The following FYN variants were observed in gnomAD, a reference collection of about 807,000 sequenced individuals.
FYN encodes FYN proto-oncogene, Src family tyrosine kinase, also known as tyrosine-protein kinase Fyn.
FYN carries 10 observed loss-of-function variants against 70.2 expected under a neutral mutation model. The ratio of observed to expected loss-of-function variants is 0.14; its 90% confidence interval spans 0.09 to 0.24. FYN has a LOEUF of 0.24. FYN is among the 10% of genes least tolerant of loss of function. FYN has a pLI of 1.00. For synonymous variants in FYN, 236 were observed against 248.6 expected, an observed-to-expected ratio of 0.95 and a Z score of 0.48; for missense variants, 319 against 673.1, an observed-to-expected ratio of 0.47 and a Z score of 5.82.
intron 3 of FYN, among the ~76,000 whole-genome samples, chr6:111,778,069 C>T (rs1447532381): frequency 6.6e-6 from 1 of 152,180 alleles, no homozygotes; most frequent in East Asian, 1.9e-4. Flanking sequence ...AGAAGCAATG[C>T]ACCCTCTGTG....
intron 3 of FYN, among the ~76,000 whole-genome samples, chr6:111,739,301 G>A (rs1487143082): frequency 4.6e-5 from 7 of 152,228 alleles, no homozygotes; most frequent in Admixed American, 2.0e-4. Flanking sequence ...CACATGCACG[G>A]GAGATGTGGA....
intron 13 of FYN, among the ~76,000 whole-genome samples, chr6:111,667,667 C>T (rs115240312): frequency 0.01 from 1,540 of 152,336 alleles, 31 homozygotes; most frequent in African/African-American, 0.036. Flanking sequence ...GACTTGACTT[C>T]CCTTGAACTT....
At chr6:111,753,836 A>G (rs76407370) in intron 3 of FYN, among the ~76,000 whole-genome samples, 3,065 of 152,334 alleles carry the variant, frequency 0.02, 107 homozygotes, top group African/African-American at 0.071. Flanking sequence ...TTAAGTTGGG[A>G]TTCCAGAAAC....
rs964314396 is a variant in FYN, at chr6:111,800,332, T to A, written c.-81-19697A>T. Among the ~76,000 whole-genome samples, 3 of 152,020 alleles carry A rather than the reference T, an allele frequency of 2.0e-5. No individual in the cohort carries two copies. In the South Asian group the frequency reaches 6.2e-4, roughly 32 times the overall value. On this transcript the variant is annotated intron_variant, in intron 2 of 13. Coordinates refer to ENST00000354650, the MANE Select transcript of FYN (RefSeq NM_002037.5). ...AGAAGAGCTGAAAATGAGGCACAGG[T>A]CTCAGCACAGGGTAGGAAGGATCCG...
chr6:111,743,113 C>T (rs181147459), intron 3 of FYN, among the ~76,000 whole-genome samples: 286 of 152,084 alleles, frequency 1.9e-3, no homozygotes, highest in African/African-American at 6.7e-3. Context: ...ACTGCAGGTG[C>T]GCGCCACCAT....
intron 2 of FYN, among the ~76,000 whole-genome samples, chr6:111,805,691 C>T (rs897269807): frequency 3.3e-5 from 5 of 152,204 alleles, no homozygotes; most frequent in African/African-American, 7.2e-5. Flanking sequence ...GCACAGCCCC[C>T]TCCCCCTTCC....
intron 13 of FYN, among the ~76,000 whole-genome samples, chr6:111,666,213 A>C (rs1798000798): frequency 6.6e-6 from 1 of 152,086 alleles, no homozygotes; most frequent in African/African-American, 2.4e-5. Flanking sequence ...CATTTTAGGG[A>C]AACAATGTCA....
intron 2 of FYN, among the ~76,000 whole-genome samples, chr6:111,841,362 TG>T (rs1298782513): frequency 5.9e-5 from 9 of 152,208 alleles, no homozygotes; most frequent in African/African-American, 2.2e-4. Flanking sequence ...AAATGAAAGA[TG>T]TGTAAAAAAA....
intron 2 of FYN, among the ~76,000 whole-genome samples, chr6:111,815,472 C>T (rs79796966): frequency 0.046 from 6,983 of 152,122 alleles, 182 homozygotes; most frequent in East Asian, 0.14. Context: ...CAAACAAAAT[C>T]CCCCATTAAA....
chr6:111,784,085 A>T (rs1439520251), intron 2 of FYN, among the ~76,000 whole-genome samples: 2 of 152,060 alleles, frequency 1.3e-5, no homozygotes, highest in East Asian at 3.8e-4. Flanking sequence ...CCTTTGGGAG[A>T]AGCTCCCTCC....
chr6:111,773,467 A>G (rs1286023579), intron 3 of FYN, among the ~76,000 whole-genome samples: 8 of 68,414 alleles, frequency 1.2e-4, no homozygotes, highest in African/African-American at 4.2e-4. Context: ...GAGAGTGGGA[A>G]AGGGAAAACG....
chr6:111,763,687 T>G (rs1488877655), intron 3 of FYN, among the ~76,000 whole-genome samples: 7 of 152,266 alleles, frequency 4.6e-5, no homozygotes, highest in Non-Finnish European at 1.0e-4. Context: ...GCTATGCATC[T>G]ATTCATGCTA....
intron 2 of FYN, among the ~76,000 whole-genome samples, chr6:111,804,252 C>T (rs889349466): frequency 6.6e-6 from 1 of 152,230 alleles, no homozygotes; most frequent in African/African-American, 2.4e-5. Flanking sequence ...AGAACACCCA[C>T]ATCCCCTGTG....
At chr6:111,709,847 T>C (rs1039612627) in intron 5 of FYN, among the ~76,000 whole-genome samples, 16 of 152,190 alleles carry the variant, frequency 1.1e-4, no homozygotes, top group African/African-American at 3.9e-4. Context: ...CCCCTCTCTT[T>C]GAGGTTCAAA....
At chr6:111,691,504 T>A (rs150904875) in intron 12 of FYN, among the ~76,000 whole-genome samples, 2 of 152,278 alleles carry the variant, frequency 1.3e-5, no homozygotes, top group East Asian at 3.9e-4. Flanking sequence ...GGACCAGCTG[T>A]CTGGAGGAGC....
chr6:111,789,744 G>C (rs1318614001), intron 2 of FYN, among the ~76,000 whole-genome samples: 1 of 152,160 alleles, frequency 6.6e-6, no homozygotes, highest in South Asian at 2.1e-4. Context: ...GAATTCTTCC[G>C]ACTTGCCCTT....
At chr6:111,710,916 TATTC>T (rs1254744852) in intron 5 of FYN, among the ~76,000 whole-genome samples, 1 of 152,230 alleles carries the variant, frequency 6.6e-6, no homozygotes, top group Non-Finnish European at 1.5e-5. Flanking sequence ...CTTGGTGAGA[TATTC>T]TTTGTTATCT....
intron 2 of FYN, among the ~76,000 whole-genome samples, chr6:111,830,148 C>A (rs767043505): frequency 6.6e-6 from 1 of 152,240 alleles, no homozygotes; most frequent in South Asian, 2.1e-4. Flanking sequence ...GCTGCCAAGT[C>A]GTGGGGACCC....
intron 1 of FYN, among the ~76,000 whole-genome samples, chr6:111,866,819 C>T (rs761967012): frequency 1.3e-5 from 2 of 152,230 alleles, no homozygotes; most frequent in Non-Finnish European, 2.9e-5. Flanking sequence ...CCATGAAAAA[C>T]CGCAAGAGTC....
Sources: allele counts gnomAD v4.1 joint callset (sites outside exome capture counted in the v4.1 genomes callset), GRCh38; gene constraint gnomAD v4.1.1; transcripts MANE v1.5; gene names NCBI Gene and HGNC (gene_info 2026-07-23, HGNC 2026-07-21).